CTNNA3: variants seen among roughly 807,000 people sequenced by gnomAD.
CTNNA3 encodes catenin alpha 3.
Under a neutral mutation model 95.7 loss-of-function variants are expected in CTNNA3, and 76 were observed. The ratio of observed to expected loss-of-function variants is 0.79; its 90% confidence interval spans 0.66 to 0.96. The LOEUF (loss-of-function observed/expected upper bound fraction) is 0.96, where lower values mean the gene tolerates loss of function less well. Among genes scored for constraint, CTNNA3 ranks in the 40% least tolerant of loss-of-function variants. The pLI, the probability that CTNNA3 is intolerant of heterozygous loss-of-function variation, is 0.00. For synonymous variants in CTNNA3, 431 were observed against 374.4 expected (o/e 1.15, Z -1.74); for missense variants, 1,191 against 1,089.8 (o/e 1.09, Z -1.31).
intron 10 of CTNNA3, among the ~76,000 whole-genome samples, chr10:66,583,059 T>G (rs961573718): frequency 6.6e-6 from 1 of 151,918 alleles, no homozygotes; most frequent in African/African-American, 2.4e-5. Flanking sequence ...GTTGAGCATT[T>G]TTGCATCTAT....
chr10:66,766,545 T>C, intron 8 of CTNNA3, 129 bp from the exon 9 acceptor site: 1 of 744,856 alleles, frequency 1.3e-6, no homozygotes, highest in Admixed American at 3.0e-5. Flanking sequence ...TCACAATACT[T>C]AAAGATATAC....
intron 9 of CTNNA3, among the ~76,000 whole-genome samples, chr10:66,755,454 T>C (rs1007818464): frequency 6.6e-6 from 1 of 152,104 alleles, no homozygotes; most frequent in South Asian, 2.1e-4. Context: ...ATCTCGATAA[T>C]AGATATCTCA....
intron 13 of CTNNA3, among the ~76,000 whole-genome samples, chr10:66,244,195 G>A (rs952623460): frequency 2.6e-5 from 4 of 152,230 alleles, no homozygotes; most frequent in Non-Finnish European, 5.9e-5. Flanking sequence ...GAATGGGAAG[G>A]ACTTTGTCTT....
intron 5 of CTNNA3, among the ~76,000 whole-genome samples, chr10:67,470,396 G>T (rs1408823465): frequency 6.6e-6 from 1 of 152,118 alleles, no homozygotes; most frequent in South Asian, 2.1e-4. Context: ...TGTAAACAGT[G>T]CTGCAATAAA....
chr10:66,314,911 G>A (rs1201793440), intron 12 of CTNNA3, among the ~76,000 whole-genome samples: 1 of 152,018 alleles, frequency 6.6e-6, no homozygotes, highest in East Asian at 1.9e-4. Context: ...GTCTGTCAGT[G>A]CAAAAATAAG....
intron 5 of CTNNA3, among the ~76,000 whole-genome samples, chr10:67,466,227 T>C (rs1847589608): frequency 6.6e-6 from 1 of 152,214 alleles, no homozygotes; most frequent in African/African-American, 2.4e-5. Context: ...TGGTATCTCA[T>C]AGGGGAAATA....
chr10:66,946,795 C>T (rs1168913219), intron 7 of CTNNA3, among the ~76,000 whole-genome samples: 1 of 151,976 alleles, frequency 6.6e-6, no homozygotes, highest in Non-Finnish European at 1.5e-5. Flanking sequence ...AGAATTAATC[C>T]CCCTCTTATT....
At position 66,678,735 on chromosome 10, in the gene CTNNA3, A is replaced by G. The variant is rs1172930199; in HGVS notation, c.1282-56951T>C. Among the ~76,000 whole-genome samples the G allele has an allele frequency of 2.6e-5, 4 of 152,124 alleles. No individual in the cohort carries two copies. The East Asian group carries it at 7.7e-4, about 29-fold the overall frequency. ...AGTTCTTCCCTTCCTTTATTGCTACATATTTGGTCTAGAAGTACATTCTTT... is the reference window on the plus strand; with the variant it reads ...AGTTCTTCCCTTCCTTTATTGCTACGTATTTGGTCTAGAAGTACATTCTTT... On this transcript the variant is annotated intron_variant, in intron 9 of 17. Coordinates refer to ENST00000433211, the MANE Select transcript of CTNNA3 (RefSeq NM_013266.4).
At chr10:67,558,182 A>G (rs531941972) in intron 3 of CTNNA3, among the ~76,000 whole-genome samples, 2 of 152,320 alleles carry the variant, frequency 1.3e-5, no homozygotes, top group East Asian at 3.9e-4. Context: ...ATAGTCCCAG[A>G]TGCAAGAAGA....
chr10:67,247,752 T>G (rs1193545282), intron 5 of CTNNA3, among the ~76,000 whole-genome samples: 1 of 152,154 alleles, frequency 6.6e-6, no homozygotes, highest in Non-Finnish European at 1.5e-5. Flanking sequence ...TTCCCCTCAT[T>G]TGATCATTAC....
Position 67,751,131 on chromosome 10 carries a change from G to A in CTNNA3, c.-2+12303C>T, listed in dbSNP as rs993546583. 53 of 1,344,140 alleles carry A rather than the reference G, an allele frequency of 3.9e-5. No individual in the cohort carries two copies. In the Admixed American group the frequency reaches 8.7e-4, roughly 22 times the overall value. The allele number at this position is 1,344,140 out of a possible 1,614,324, so 83.3% of individuals were successfully genotyped here. A position where few individuals can be genotyped will look rare whatever the true frequency, so the allele number is the denominator to read the frequency against. ...GGCCTTTGACTTTACATTGAATGAT[G>A]AGGAGATGGCAACCACACTCAGCTT... On this transcript the variant is annotated intron_variant, in intron 1 of 17. Coordinates refer to the CTNNA3 transcript ENST00000684154.
chr10:67,735,620 G>A (rs1247742228), intron 1 of CTNNA3, among the ~76,000 whole-genome samples: 1 of 152,044 alleles, frequency 6.6e-6, no homozygotes, highest in Non-Finnish European at 1.5e-5. Flanking sequence ...CATCTATTAA[G>A]ATGGTTATGT....
intron 13 of CTNNA3, among the ~76,000 whole-genome samples, chr10:66,219,715 C>G (rs2088802596): frequency 6.6e-6 from 1 of 152,204 alleles, no homozygotes; most frequent in Non-Finnish European, 1.5e-5. Context: ...CTAAGCCACT[C>G]CAGCATTCTT....
intron 4 of CTNNA3, among the ~76,000 whole-genome samples, chr10:67,528,597 T>G (rs534529548): frequency 6.6e-6 from 1 of 152,184 alleles, no homozygotes; most frequent in South Asian, 2.1e-4. Flanking sequence ...TCATTTAACA[T>G]ACCCTCTCTT....
intron 9 of CTNNA3, among the ~76,000 whole-genome samples, chr10:66,724,559 T>C (rs1203910844): frequency 6.6e-6 from 1 of 152,186 alleles, no homozygotes; most frequent in Non-Finnish European, 1.5e-5. Flanking sequence ...TGCATTCCCT[T>C]AGCACACACC....
At position 65,942,530 on chromosome 10, in the gene CTNNA3, A is replaced by AAACAAC. The variant is rs748892534; in HGVS notation, c.2401-21919_2401-21914dup. Among the ~76,000 whole-genome samples the AAACAAC allele has an allele frequency of 7.9e-5, 12 of 152,204 alleles. No homozygotes were observed. The East Asian group carries it at 1.5e-3, about 20-fold the overall frequency. ...GTGACAGACAGAAACTCCCTCTCAA[A>AAACAAC]AACAACAACAACAACAACAAAAGAA... On this transcript the variant is annotated intron_variant, in intron 17 of 17. Coordinates refer to ENST00000433211, the MANE Select transcript of CTNNA3 (RefSeq NM_013266.4).
intron 1 of CTNNA3, among the ~76,000 whole-genome samples, chr10:67,666,749 A>C (rs1451472286): frequency 6.6e-6 from 1 of 152,010 alleles, no homozygotes. Context: ...GCTTAGAAAT[A>C]TCCCATTTTA....
intron 12 of CTNNA3, among the ~76,000 whole-genome samples, chr10:66,289,089 T>C (rs1471879710): frequency 1.3e-5 from 2 of 152,036 alleles, no homozygotes; most frequent in Admixed American, 6.6e-5. Context: ...CTAATTGCAA[T>C]ATATGTTAAC....
At chr10:67,294,465 T>A (rs1002578257) in intron 5 of CTNNA3, among the ~76,000 whole-genome samples, 7 of 152,154 alleles carry the variant, frequency 4.6e-5, no homozygotes, top group East Asian at 1.9e-4. Context: ...TGATTTTTTT[T>A]AAAAATCACA....
Sources: gnomAD v4.1 joint callset for allele counts (sites outside exome capture counted in the v4.1 genomes callset) on GRCh38, gnomAD v4.1.1 for gene constraint, MANE v1.5 for transcripts, NCBI Gene and HGNC (gene_info 2026-07-23, HGNC 2026-07-21) for gene names.